OTUD7B: variants seen among roughly 807,000 people sequenced by gnomAD.
The protein encoded by OTUD7B is OTU deubiquitinase 7B.
OTUD7B carries 34 observed loss-of-function variants against 82.2 expected under a neutral mutation model. The ratio of observed to expected loss-of-function variants is 0.41; its 90% CI spans 0.31 to 0.55. The LOEUF (loss-of-function observed/expected upper bound fraction) is 0.55, where lower values mean the gene tolerates loss of function less well. OTUD7B is among the 20% of genes least tolerant of loss of function. OTUD7B has a pLI of 0.20. For synonymous variants in OTUD7B, 398 were observed against 402.7 expected, an observed-to-expected ratio of 0.99 and a Z score of 0.14; for missense variants, 944 against 1,062.1, an observed-to-expected ratio of 0.89 and a Z score of 1.55.
In OTUD7B at chr1:149,943,823, G is replaced by A. The variant is rs1257807625; in HGVS notation, c.*34C>T. ...GAGCCAATTAGTTGAGCTTAACTTT[G>A]TTTAGCCTCCTTGCCCTTCAGTGTT... On this transcript the variant is annotated 3_prime_UTR_variant, in exon 12 of 12. Transcript: ENST00000581312. 2.0e-5 allele frequency: 32 copies of A among 1,600,862 alleles called. No homozygotes were observed. The highest frequency in any genetic ancestry group is 4.0e-5 in the African/African-American group (3 of 74,558).
chr1:149,998,128 C>T (rs73011922), intron 1 of OTUD7B, among the ~76,000 whole-genome samples: 3,214 of 152,176 alleles, frequency 0.021, 95 homozygotes, highest in African/African-American at 0.07. Flanking sequence ...ACCTTTTTCA[C>T]GATAATCAGT....
In OTUD7B at chr1:149,943,212, G is replaced by GA. The variant is rs1183332716; in HGVS notation, c.*644dup. The GA allele has an allele frequency of 6.6e-6, 1 of 152,324 alleles. No homozygotes were observed. Among genetic ancestry groups the GA allele is most frequent in the African/African-American group, 2.4e-5 (1 of 41,344 alleles). 9.4% of individuals were successfully genotyped at this position (152,324 alleles called of 1,614,324 possible). A position where few individuals can be genotyped will look rare whatever the true frequency, so the allele number is the denominator to read the frequency against. Reference sequence around the variant, plus strand: ...CTTGGAAGGAAATAAACCTTAAGAGGAAAAGGATTTCCCTCTTAAGTTCCT... The same window carrying GA: ...CTTGGAAGGAAATAAACCTTAAGAGGAAAAAGGATTTCCCTCTTAAGTTCCT... On this transcript the variant is annotated 3_prime_UTR_variant, in exon 12 of 12. Transcript: ENST00000581312.
chr1:149,968,011 G>A (rs947219876), intron 3 of OTUD7B, among the ~76,000 whole-genome samples: 4 of 152,036 alleles, frequency 2.6e-5, no homozygotes, highest in Non-Finnish European at 4.4e-5. Context: ...TTATAGAAAA[G>A]AAAATCCTTT....
chr1:149,999,198 T>C (rs587732388), intron 1 of OTUD7B, among the ~76,000 whole-genome samples: 1 of 152,298 alleles, frequency 6.6e-6, no homozygotes, highest in Non-Finnish European at 1.5e-5. Flanking sequence ...CATAATGAAC[T>C]AGTATATTAT....
At chr1:150,054,346 G>A in the OTUD7B span, 1 of 525,172 alleles carries the variant, frequency 1.9e-6, no homozygotes, top group South Asian at 1.4e-5. Context: ...GCAAGAGGGT[G>A]ATTTTCCTGA....
chr1:149,984,272 G>A (rs587717635), intron 1 of OTUD7B, among the ~76,000 whole-genome samples: 32 of 152,140 alleles, frequency 2.1e-4, no homozygotes, highest in African/African-American at 5.5e-4. Flanking sequence ...AAGCAAGAGG[G>A]GTTCCTTTAG....
rs1462670751 is a variant in OTUD7B at position 149,979,284 on chromosome 1, ATTCTAT to A, written c.-66-1714_-66-1709del. On this transcript the variant is annotated intron_variant, in intron 1 of 11. Coordinates refer to ENST00000581312, the MANE Select transcript of OTUD7B (RefSeq NM_020205.4). ...AAATTCTACGGCACTTCTTATCACC[ATTCTAT>A]TTCTAAGTTTTAAAAACTCTCCTTT... Among the ~76,000 whole-genome samples the A allele has an allele frequency of 9.9e-5, 15 of 152,142 alleles. No homozygotes were observed. In the East Asian group the frequency reaches 1.2e-3, roughly 12 times the overall value.
the OTUD7B span, among the ~76,000 whole-genome samples, chr1:150,051,434 A>G: frequency 5.3e-4 from 81 of 152,076 alleles, 1 homozygote; most frequent in Non-Finnish European, 1.0e-3. Flanking sequence ...TGTCCTGTCC[A>G]TGTAAAACTC....
chr1:149,966,252 A>G (rs587715093), intron 4 of OTUD7B, among the ~76,000 whole-genome samples: 5 of 152,346 alleles, frequency 3.3e-5, no homozygotes, highest in South Asian at 2.1e-4. Flanking sequence ...CAAAATGTCA[A>G]TAGTGCCAAG....
chr1:149,971,598 C>T (rs181489475), intron 2 of OTUD7B, among the ~76,000 whole-genome samples: 11 of 152,176 alleles, frequency 7.2e-5, no homozygotes, highest in African/African-American at 2.2e-4. Flanking sequence ...TAGTTCACAC[C>T]AGACCCAGCA....
At chr1:150,042,763 C>A in the OTUD7B span, among the ~76,000 whole-genome samples, 1 of 151,996 alleles carries the variant, frequency 6.6e-6, no homozygotes, top group Non-Finnish European at 1.5e-5. Flanking sequence ...ACCACTAAGG[C>A]CCTAAGGTAA....
chr1:149,971,104 G>A lies in OTUD7B; in HGVS notation c.233C>T (p.Pro78Leu). ...CTGCCGCTGGAGGATGGGTCGGGGA[G>A]GGCGAGTAGGCTCTCTGTCAGAAAA... is the stretch of plus-strand genomic sequence containing the variant. ...KGFSDREPTR[P>L]PRPILQRQDD... The change falls in exon 3 of 12, where the codon CCT becomes CTT. Residue 78 changes from proline (P) to leucine (L), a missense_variant. Coordinates refer to ENST00000581312, the MANE Select transcript of OTUD7B (RefSeq NM_020205.4). 1.2e-6 allele frequency: 2 copies of A among 1,612,924 alleles called. No homozygotes were observed. The highest frequency in any genetic ancestry group is 1.7e-6 in the Non-Finnish European group (2 of 1,179,104).
Position 149,957,419 on chromosome 1 carries a change from G to A in OTUD7B, c.845+2265C>T, listed in dbSNP as rs587687579. 2.2e-4 allele frequency among the ~76,000 whole-genome samples: 33 copies of A among 151,770 alleles called. 1 individual carries two copies. In the East Asian group the frequency reaches 2.3e-3, roughly 11 times the overall value. On this transcript the variant is annotated intron_variant, in intron 7 of 11. Transcript: ENST00000581312. Reference sequence around the variant, plus strand: ...GAAGCTTCATCTCAGAGGGGCACCCGGCTGTATAAGATGTCAGTCAGCCCC... The same window carrying A: ...GAAGCTTCATCTCAGAGGGGCACCCAGCTGTATAAGATGTCAGTCAGCCCC...
chr1:150,022,394 T>TC, the OTUD7B span, among the ~76,000 whole-genome samples: 450 of 116,854 alleles, frequency 3.9e-3, 223 homozygotes, highest in African/African-American at 6.6e-3. Flanking sequence ...CGAAACTCTC[T>TC]ACAAAAAAAA....
the OTUD7B span, among the ~76,000 whole-genome samples, chr1:150,046,308 T>C: frequency 6.6e-6 from 1 of 152,130 alleles, no homozygotes; most frequent in Admixed American, 6.6e-5. Flanking sequence ...TCCATCTCCC[T>C]GGCTAAAACC....
chr1:150,014,586 T>G (rs587766945), upstream of OTUD7B, among the ~76,000 whole-genome samples: 1 of 152,250 alleles, frequency 6.6e-6, no homozygotes, highest in Non-Finnish European at 1.5e-5. Flanking sequence ...ACATTTTAAA[T>G]GTTCACCAAC....
the OTUD7B span, among the ~76,000 whole-genome samples, chr1:150,063,473 G>A: frequency 6.6e-5 from 10 of 152,132 alleles, no homozygotes; most frequent in African/African-American, 9.7e-5. Context: ...AATGTTTCTT[G>A]CTGTGGAGTG....
At chr1:150,034,043 T>C in the OTUD7B span, among the ~76,000 whole-genome samples, 14 of 152,108 alleles carry the variant, frequency 9.2e-5, no homozygotes, top group Non-Finnish European at 1.5e-4. Flanking sequence ...TTAAGAATTA[T>C]AATGGACAAC....
At chr1:150,028,445 T>C in the OTUD7B span, among the ~76,000 whole-genome samples, 1 of 152,144 alleles carries the variant, frequency 6.6e-6, no homozygotes, top group Non-Finnish European at 1.5e-5. Flanking sequence ...ATAATACAAA[T>C]GTACTACAGT....
Sources: allele counts gnomAD v4.1 joint callset (sites outside exome capture counted in the v4.1 genomes callset), GRCh38; gene constraint gnomAD v4.1.1; transcripts MANE v1.5; gene names NCBI Gene and HGNC (gene_info 2026-07-23, HGNC 2026-07-21).